The following FBH1 variants were observed in gnomAD, a reference collection of about 807,000 sequenced individuals.
FBH1 encodes F-box DNA helicase 1.
A neutral mutation model predicts 115.5 loss-of-function variants in FBH1; 43 were observed. The observed-to-expected ratio is 0.37, with a 90% CI of 0.29 to 0.48. The LOEUF (loss-of-function observed/expected upper bound fraction) is 0.48. Among genes scored for constraint, FBH1 ranks in the 20% least tolerant of loss-of-function variants. FBH1 has a pLI of 0.99. For synonymous variants in FBH1, 524 were observed against 507.8 expected, an observed-to-expected ratio of 1.03 and a Z score of -0.43; for missense variants, 1,001 against 1,337.3, an observed-to-expected ratio of 0.75 and a Z score of 3.92.
chr10:5,930,866 C>T (rs1359620592), intron 19 of FBH1, among the ~76,000 whole-genome samples: 1 of 152,176 alleles, frequency 6.6e-6, no homozygotes, highest in Admixed American at 6.5e-5. Context: ...GTCCTCCCAC[C>T]TCAGCCTCCC....
rs151233682 is a variant in FBH1, at chr10:5,912,139, C to T, written c.1211+1011C>T. Among the ~76,000 whole-genome samples, 253 of 152,072 alleles carry T rather than the reference C, an allele frequency of 1.7e-3. 2 individuals are homozygous for T. The highest frequency in any genetic ancestry group is 5.7e-3 in the African/African-American group (235 of 41,476). ...ACTTTGGGAGGCGAGGCGGGCAGTT[C>T]GCTTGAGGCCAGGAGCTGGAGACCA... On this transcript the variant is annotated intron_variant, in intron 6 of 20. Coordinates refer to ENST00000362091, the MANE Select transcript of FBH1 (RefSeq NM_178150.3).
rs941509044 is a variant in FBH1 at position 5,921,692 on chromosome 10, C to G, written c.2322+123C>G. ...AAAGCATTTGGGTTTTTGACTCTTT[C>G]CACCAGGCTGCACCATGAGTGGTCT... On this transcript the variant is annotated intron_variant, in intron 15 of 20. Transcript: ENST00000362091. This position sits in a 1 kb window ranked among gnomAD's most constrained non-coding sequence, Gnocchi z 6.4. The G allele has an allele frequency of 7.6e-7, 1 of 1,311,074 alleles. No individual in the cohort carries two copies. The highest frequency in any genetic ancestry group is 1.0e-6 in the Non-Finnish European group (1 of 970,350). 81.2% of individuals were successfully genotyped at this position (1,311,074 alleles called of 1,614,324 possible). A position where few individuals can be genotyped will look rare whatever the true frequency, so the allele number is the denominator to read the frequency against.
chr10:5,891,496 T>A (rs1842725439), intron 1 of FBH1, among the ~76,000 whole-genome samples: 2 of 152,258 alleles, frequency 1.3e-5, no homozygotes, highest in African/African-American at 4.8e-5. Context: ...TCATGCTTTT[T>A]GCTTTTACCC....
intron 2 of FBH1, among the ~76,000 whole-genome samples, 175 bp downstream of exon 2, chr10:5,903,350 G>C (rs1012988537): frequency 1.1e-4 from 16 of 143,226 alleles, no homozygotes; most frequent in African/African-American, 4.1e-4. Context: ...TTTTTTTTGA[G>C]ACGGAGTTTC....
At chr10:5,890,465 G>A (rs888542214) in intron 1 of FBH1, 119 bp downstream of exon 1, 2 of 323,784 alleles carry the variant, frequency 6.2e-6, no homozygotes, top group Non-Finnish European at 1.2e-5. Flanking sequence ...GGGGCCCCGG[G>A]GGCGCGAGGC....
chr10:5,894,078 G>C (rs1354630859), intron 1 of FBH1: 1 of 985,290 alleles, frequency 1.0e-6, no homozygotes, highest in Non-Finnish European at 1.2e-6. Context: ...GAGGATCCCG[G>C]GGAGATTGAG....
At chr10:5,928,263 AC>A (rs1832774815) in intron 19 of FBH1, 2 of 150,350 alleles carry the variant, frequency 1.3e-5, no homozygotes, top group Admixed American at 6.7e-5. Flanking sequence ...CGATTATCTT[AC>A]CTCAGCCTCC....
At position 5,906,156 on chromosome 10, in the gene FBH1, A is replaced by G. The variant is rs886765996; in HGVS notation, c.277A>G (p.Met93Val). The G allele has an allele frequency of 1.6e-5, 25 of 1,612,830 alleles. No individual in the cohort carries two copies. The highest frequency in any genetic ancestry group is 2.0e-5 in the Non-Finnish European group (24 of 1,179,352). Residue 93 changes from methionine (M) to valine (V), a missense_variant, in exon 3 of 21, where the codon ATG becomes GTG. Physicochemically the swap from Met to Val is conservative, Grantham distance 21. Transcript: ENST00000362091. This position sits in a 1 kb window ranked among gnomAD's most constrained non-coding sequence, Gnocchi z 7.3. ...QDSCQDSEGD[M>V]IFPAESSCAL... ...CAGCTGTCAGGACTCTGAGGGTGAC[A>G]TGATCTTTCCTGCAGAGAGCAGCTG...
rs955784613 is a variant in FBH1, at chr10:5,895,968, G to A, written c.1+5622G>A. Among the ~76,000 whole-genome samples the A allele has an allele frequency of 6.6e-6, 1 of 152,128 alleles. No homozygotes were observed. The highest frequency in any genetic ancestry group is 1.5e-5 in the Non-Finnish European group (1 of 68,030). ...TTTGCAGCAAAACCTGAAACACTCA[G>A]TTTCACTTTCTGTGACTTGTTTTGT... On this transcript the variant is annotated intron_variant, in intron 1 of 20. Transcript: ENST00000362091. This position sits in a 1 kb window ranked among gnomAD's most constrained non-coding sequence, Gnocchi z 5.0.
intron 3 of FBH1, among the ~76,000 whole-genome samples, chr10:5,907,524 A>G (rs1589068241): frequency 7.7e-6 from 1 of 129,616 alleles, no homozygotes; most frequent in Admixed American, 8.9e-5. Flanking sequence ...CCCAGGCTGG[A>G]GTGCAGTGGC....
intron 2 of FBH1, among the ~76,000 whole-genome samples, chr10:5,903,736 A>C (rs1255064316): frequency 6.6e-6 from 1 of 152,222 alleles, no homozygotes; most frequent in Admixed American, 6.5e-5. Context: ...GATAGAAGAC[A>C]TGAGCCAGTG....
At chr10:5,902,480 G>A (rs7899847) in intron 1 of FBH1, among the ~76,000 whole-genome samples, 7,208 of 152,206 alleles carry the variant, frequency 0.047, 243 homozygotes, top group East Asian at 0.15. Flanking sequence ...ATATCCACTA[G>A]TGACAACTTC....
rs1757473376 is a variant in FBH1 at position 5,931,846 on chromosome 10, A to G, written c.2829+4305A>G. Among the ~76,000 whole-genome samples the G allele has an allele frequency of 6.6e-6, 1 of 152,158 alleles. No individual in the cohort carries two copies. Among genetic ancestry groups the G allele is most frequent in the African/African-American group, 2.4e-5 (1 of 41,436 alleles). ...ATGTGTAAGGCCTGTTAATGTTTTC[A>G]AAGTCAAAACCTTGCGCCTGGGCAC... On this transcript the variant is annotated intron_variant, in intron 19 of 20. Transcript: ENST00000362091. The surrounding 1 kb of genome is among the most constrained non-coding windows in gnomAD (Gnocchi z 4.3).
At position 5,909,885 on chromosome 10, in the gene FBH1, T is replaced by G. The variant is rs985948750; in HGVS notation, c.1020+591T>G. 1.8e-4 allele frequency among the ~76,000 whole-genome samples: 27 copies of G among 152,214 alleles called. No individual in the cohort carries two copies. The highest frequency in any genetic ancestry group is 1.0e-3 in the Admixed American group (16 of 15,282). ...TTCTCTTGAAGAAGATGATTGCTGATGGTGGTGGAGTGGGTCTTCTTTCAC... is the reference window on the plus strand; with the variant it reads ...TTCTCTTGAAGAAGATGATTGCTGAGGGTGGTGGAGTGGGTCTTCTTTCAC... On this transcript the variant is annotated intron_variant, in intron 5 of 20. Transcript: ENST00000362091. This position sits in a 1 kb window ranked among gnomAD's most constrained non-coding sequence, Gnocchi z 4.4.
chr10:5,923,524 C>T lies in FBH1; in HGVS notation c.2323-97C>T, dbSNP rs866055713. 70 of 947,624 alleles carry T rather than the reference C, an allele frequency of 7.4e-5. 2 individuals are homozygous for T. In the Middle Eastern group the frequency reaches 6.2e-3, roughly 84 times the overall value. 58.7% of individuals were successfully genotyped at this position (947,624 alleles called of 1,614,324 possible). On this transcript the variant is annotated intron_variant, in intron 15 of 20. Coordinates refer to ENST00000362091, the MANE Select transcript of FBH1 (RefSeq NM_178150.3). The surrounding 1 kb of genome is among the most constrained non-coding windows in gnomAD (Gnocchi z 5.7). Reference sequence around the variant, plus strand: ...AACCATCTCATTTCAAAACCCCATCCCTGCATTTGCTTTATTTTGTTTTGT... The same window carrying T: ...AACCATCTCATTTCAAAACCCCATCTCTGCATTTGCTTTATTTTGTTTTGT...
chr10:5,924,756 G>C lies in FBH1; in HGVS notation c.2596+248G>C. The C allele has an allele frequency of 1.8e-6, 1 of 550,392 alleles. No individual in the cohort carries two copies. The highest frequency in any genetic ancestry group is 1.5e-5 in the South Asian group (1 of 65,188). 34.1% of individuals were successfully genotyped at this position (550,392 alleles called of 1,614,324 possible). On this transcript the variant is annotated intron_variant, in intron 17 of 20. Transcript: ENST00000362091. This position sits in a 1 kb window ranked among gnomAD's most constrained non-coding sequence, Gnocchi z 6.2. ...AGTTTGTGTATTTTTTGTAGAGATG[G>C]AGTCTCACCATGTTGGCCAGGCTGG...
Position 5,911,722 on chromosome 10 carries a change from A to G in FBH1, c.1211+594A>G, listed in dbSNP as rs1158087350. On this transcript the variant is annotated intron_variant, in intron 6 of 20. Transcript: ENST00000362091. This position sits in a 1 kb window ranked among gnomAD's most constrained non-coding sequence, Gnocchi z 5.4. ...GATTCCTGATCTAGTGAGGGAAGAC[A>G]GGTCCTATGTAAGTAAATGTGTGAA... is the stretch of plus-strand genomic sequence containing the variant. 6.6e-6 allele frequency among the ~76,000 whole-genome samples: 1 copy of G among 152,218 alleles called. No homozygotes were observed. Among genetic ancestry groups the G allele is most frequent in the Non-Finnish European group, 1.5e-5 (1 of 68,036 alleles).
chr10:5,907,372 T>C (rs1277723968), intron 3 of FBH1, among the ~76,000 whole-genome samples: 2 of 152,208 alleles, frequency 1.3e-5, no homozygotes, highest in African/African-American at 4.8e-5. Flanking sequence ...TGGTATGTTA[T>C]GTTTTCATTT....
intron 3 of FBH1, among the ~76,000 whole-genome samples, chr10:5,908,234 G>C (rs142614010): frequency 1.7e-4 from 26 of 152,168 alleles, no homozygotes; most frequent in Non-Finnish European, 3.7e-4. Context: ...TATCTTCTTG[G>C]TGAATTGACC....
Sources: allele counts gnomAD v4.1 joint callset (sites outside exome capture counted in the v4.1 genomes callset), GRCh38; gene constraint gnomAD v4.1.1; non-coding constraint Gnocchi (gnomAD v3.1); transcripts MANE v1.5; gene names NCBI Gene and HGNC (gene_info 2026-07-23, HGNC 2026-07-21).